Variants in ABCG1 observed in about 807,000 individuals in gnomAD.
The protein encoded by ABCG1 is ATP-binding cassette sub-family G member 1.
ABCG1 carries 29 observed loss-of-function variants against 69.2 expected under a neutral mutation model. That is an observed-to-expected ratio of 0.42 (90% CI 0.31 to 0.57). ABCG1 has a LOEUF of 0.57. ABCG1 is among the 20% of genes least tolerant of loss of function. The pLI, the probability that ABCG1 is intolerant of heterozygous loss-of-function variation, is 0.15. For missense variants in ABCG1, 718 were observed against 898.1 expected (o/e 0.80, Z 2.56); for synonymous variants, 370 against 374.8 (o/e 0.99, Z 0.15).
chr21:42,264,355 A>G (rs993952463), intron 2 of ABCG1, among the ~76,000 whole-genome samples: 2 of 152,226 alleles, frequency 1.3e-5, no homozygotes, highest in African/African-American at 4.8e-5. Flanking sequence ...CGTGGTTTTT[A>G]AACATCTGTT....
chr21:42,256,559 T>C (rs1421362795), intron 2 of ABCG1: 1 of 1,544,208 alleles, frequency 6.5e-7, no homozygotes, highest in Non-Finnish European at 8.8e-7. Context: ...CCCATCTGCA[T>C]TCTCTGGGAC....
chr21:42,288,382 G>T lies in ABCG1; in HGVS notation c.1224+70G>T, dbSNP rs764987673. On this transcript the variant is annotated intron_variant, in intron 10 of 14. Transcript: ENST00000398449. The surrounding 1 kb of genome is among the most constrained non-coding windows in gnomAD (Gnocchi z 4.8). The stretch of plus-strand genomic sequence containing the variant: ...TCATTTTCTCAGACTCGTCCTGACG[G>T]AATGTGTTCGTTCATTCTCACATTG... The T allele has an allele frequency of 3.5e-6, 4 of 1,153,950 alleles. No homozygotes were observed. The highest frequency in any genetic ancestry group is 5.1e-6 in the Non-Finnish European group (4 of 781,572). The allele number at this position is 1,153,950 out of a possible 1,614,324, so 71.5% of individuals were successfully genotyped here.
rs763611070 is a variant in ABCG1, at chr21:42,290,090, G to T, written c.1265G>T (p.Gly422Val). Residue 422 changes from glycine to valine, a missense_variant, in exon 11 of 15, where the codon GGC becomes GTC. Gly to Val is a moderately radical substitution (Grantham distance 109, BLOSUM62 -3). Coordinates refer to ENST00000398449, the MANE Select transcript of ABCG1 (RefSeq NM_016818.3). The stretch of plus-strand genomic sequence containing the variant: ...CGCATCACCTCGCACATTGGGATCG[G>T]CCTCCTCATTGGCCTGCTGTACTTG... ...HLRITSHIGI[G>V]LLIGLLYLGI... The T allele has an allele frequency of 1.9e-6, 3 of 1,614,082 alleles. No homozygotes were observed. The highest frequency in any genetic ancestry group is 2.5e-6 in the Non-Finnish European group (3 of 1,180,036).
In ABCG1 at chr21:42,294,523, T is replaced by C. The variant is rs1300194598; in HGVS notation, c.1654-19T>C. The stretch of plus-strand genomic sequence containing the variant: ...GCTGCAGGTTCTGCTACATCTGTCC[T>C]GTGTGCCCCCAACTCCAGGTGGCCA... On this transcript the variant is annotated intron_variant, in intron 13 of 14. Transcript: ENST00000398449. The C allele has an allele frequency of 6.3e-7, 1 of 1,598,678 alleles. No homozygotes were observed. Among genetic ancestry groups the C allele is most frequent in the Non-Finnish European group, 8.6e-7 (1 of 1,166,016 alleles).
chr21:42,259,413 T>C, intron 2 of ABCG1: 1 of 1,550,046 alleles, frequency 6.5e-7, no homozygotes. Context: ...CGAAAATGTC[T>C]GTGATTCAGC....
intron 2 of ABCG1, among the ~76,000 whole-genome samples, chr21:42,239,541 C>G (rs927313327): frequency 6.6e-6 from 1 of 152,236 alleles, no homozygotes; most frequent in Non-Finnish European, 1.5e-5. Context: ...CTCAGAGCCT[C>G]ACACCTATGT....
chr21:42,294,021 A>G (rs1461793406), intron 13 of ABCG1, among the ~76,000 whole-genome samples: 1 of 151,672 alleles, frequency 6.6e-6, no homozygotes, highest in Non-Finnish European at 1.5e-5. Context: ...ACACACTCAC[A>G]GTGCCCCTGT....
At chr21:42,293,072 C>CACT (rs1555965165) in intron 13 of ABCG1, among the ~76,000 whole-genome samples, 4 of 72,748 alleles carry the variant, frequency 5.5e-5, no homozygotes, top group African/African-American at 6.2e-5. Flanking sequence ...CCACACTACA[C>CACT]ACACACCACA....
At chr21:42,283,220 A>T (rs2068846339) in intron 6 of ABCG1, among the ~76,000 whole-genome samples, 1 of 151,890 alleles carries the variant, frequency 6.6e-6, no homozygotes, top group Non-Finnish European at 1.5e-5. Flanking sequence ...TGAGGGGGGG[A>T]TGGCGGGGCT....
intron 2 of ABCG1, among the ~76,000 whole-genome samples, chr21:42,204,961 T>C (rs1452207026): frequency 6.6e-6 from 1 of 152,146 alleles, no homozygotes; most frequent in East Asian, 1.9e-4. Context: ...TTAAAATGTT[T>C]GATAGAATTC....
intron 2 of ABCG1, chr21:42,201,822 T>A: frequency 1.9e-6 from 3 of 1,592,054 alleles, no homozygotes; most frequent in Non-Finnish European, 2.6e-6. Flanking sequence ...AGTCTAGAGA[T>A]GATTCTTGGT....
rs950443966 is a variant in ABCG1 at position 42,287,106 on chromosome 21, C to T, written c.974-783C>T. On this transcript the variant is annotated intron_variant, in intron 8 of 14. Coordinates refer to ENST00000398449, the MANE Select transcript of ABCG1 (RefSeq NM_016818.3). This position sits in a 1 kb window ranked among gnomAD's most constrained non-coding sequence, Gnocchi z 6.2. ...GGGGAGCTTTGGGCCTTAGCAAGAACGTTACTGGAGTGGGAGGCAAGGCAT... is the reference window on the plus strand; with the variant it reads ...GGGGAGCTTTGGGCCTTAGCAAGAATGTTACTGGAGTGGGAGGCAAGGCAT... Among the ~76,000 whole-genome samples the T allele has an allele frequency of 1.3e-5, 2 of 152,136 alleles. No individual in the cohort carries two copies. Among genetic ancestry groups the T allele is most frequent in the East Asian group, 1.9e-4 (1 of 5,172 alleles).
Position 42,219,258 on chromosome 21 carries a change from G to C in ABCG1, c.-5G>C, listed in dbSNP as rs371124965. 3.9e-6 allele frequency: 6 copies of C among 1,555,208 alleles called. No individual in the cohort carries two copies. Among genetic ancestry groups the C allele is most frequent in the Non-Finnish European group, 5.2e-6 (6 of 1,158,400 alleles). On this transcript the variant is annotated 5_prime_UTR_variant, in exon 1 of 15. Coordinates refer to ENST00000398449, the MANE Select transcript of ABCG1 (RefSeq NM_016818.3). This position sits in a 1 kb window ranked among gnomAD's most constrained non-coding sequence, Gnocchi z 5.3. ...CGCCGCCGCCGCCGCCGCCGCCCCC[G>C]GGGCATGGCCTGTCTGATGGCCGCT...
chr21:42,260,313 G>C (rs981058694), intron 2 of ABCG1, among the ~76,000 whole-genome samples: 1 of 152,220 alleles, frequency 6.6e-6, no homozygotes, highest in Non-Finnish European at 1.5e-5. Context: ...CTCCTCTCGA[G>C]GGGGCCTGAG....
intron 2 of ABCG1, among the ~76,000 whole-genome samples, chr21:42,233,062 G>A (rs988963414): frequency 2.0e-5 from 3 of 152,316 alleles, no homozygotes; most frequent in Middle Eastern, 3.4e-3. Flanking sequence ...ACCCAGTGCC[G>A]ACTGTTTTTG....
chr21:42,217,183 C>T (rs145918708), upstream of ABCG1, among the ~76,000 whole-genome samples: 3 of 152,220 alleles, frequency 2.0e-5, no homozygotes, highest in South Asian at 6.2e-4. Context: ...TATTCTCGAG[C>T]TGAAGGTGAA....
At chr21:42,253,618 G>A (rs1324767720) in intron 2 of ABCG1, among the ~76,000 whole-genome samples, 1 of 152,096 alleles carries the variant, frequency 6.6e-6, no homozygotes, top group Non-Finnish European at 1.5e-5. Context: ...TGTTTCCTAG[G>A]GAACCCTAAA....
intron 6 of ABCG1, among the ~76,000 whole-genome samples, chr21:42,282,884 G>A (rs992372528): frequency 1.3e-5 from 2 of 151,022 alleles, no homozygotes; most frequent in South Asian, 2.1e-4. Context: ...CTCTGACCCC[G>A]CCTGCAGGAC....
At chr21:42,243,731 G>T (rs1480624049) in intron 2 of ABCG1, among the ~76,000 whole-genome samples, 1 of 151,930 alleles carries the variant, frequency 6.6e-6, no homozygotes, top group African/African-American at 2.4e-5. Flanking sequence ...AGACAGCGGT[G>T]GTGGAGAGAA....
Sources: allele counts gnomAD v4.1 joint callset (sites outside exome capture counted in the v4.1 genomes callset), GRCh38; gene constraint gnomAD v4.1.1; non-coding constraint Gnocchi (gnomAD v3.1); transcripts MANE v1.5; gene names NCBI Gene and HGNC (gene_info 2026-07-23, HGNC 2026-07-21).